ERC2: variants seen among roughly 807,000 people sequenced by gnomAD.
The protein encoded by ERC2 is ERC protein 2.
ERC2 carries 42 observed loss-of-function variants against 114.8 expected under a neutral mutation model. The observed-to-expected ratio is 0.37, with a 90% CI of 0.29 to 0.47. The LOEUF is 0.47. Ranked by LOEUF, ERC2 falls within the 20% of genes least tolerant of loss-of-function variation. ERC2 has a pLI of 0.99. For missense variants in ERC2, 939 were observed against 1,150.7 expected (o/e 0.82, Z 2.66); for synonymous variants, 454 against 425.5 (o/e 1.07, Z -0.82).
chr3:56,073,403 A>T (rs1382078910), intron 7 of ERC2, among the ~76,000 whole-genome samples: 1 of 152,196 alleles, frequency 6.6e-6, no homozygotes, highest in Non-Finnish European at 1.5e-5. Flanking sequence ...TGAGATGCTT[A>T]GAGCATCCTC....
At chr3:56,388,606 T>C (rs2060018942) in intron 2 of ERC2, among the ~76,000 whole-genome samples, 1 of 152,220 alleles carries the variant, frequency 6.6e-6, no homozygotes, top group Non-Finnish European at 1.5e-5. Flanking sequence ...CTCATGAGGC[T>C]TGAAGTCTAG....
At chr3:56,071,772 T>C (rs2076751308) in intron 7 of ERC2, among the ~76,000 whole-genome samples, 1 of 152,160 alleles carries the variant, frequency 6.6e-6, no homozygotes, top group African/African-American at 2.4e-5. Flanking sequence ...AAGCAATGTA[T>C]ACAAAGGAGG....
chr3:56,367,087 C>T (rs558729908), intron 2 of ERC2, among the ~76,000 whole-genome samples: 1 of 152,184 alleles, frequency 6.6e-6, no homozygotes. Context: ...CAGAAAAAAA[C>T]TCTTGCTTCT....
At chr3:56,361,182 A>G (rs1482475058) in intron 2 of ERC2, among the ~76,000 whole-genome samples, 1 of 152,104 alleles carries the variant, frequency 6.6e-6, no homozygotes, top group Non-Finnish European at 1.5e-5. Context: ...AGGCAAAAAG[A>G]GGTGGGTGAG....
At chr3:55,908,978 T>C (rs1054542401) in intron 13 of ERC2, among the ~76,000 whole-genome samples, 2 of 152,196 alleles carry the variant, frequency 1.3e-5, no homozygotes, top group Non-Finnish European at 2.9e-5. Context: ...CTTCATTGAA[T>C]ACCCATTTTG....
At chr3:55,907,475 C>T (rs914561044) in intron 13 of ERC2, among the ~76,000 whole-genome samples, 2 of 152,190 alleles carry the variant, frequency 1.3e-5, no homozygotes, top group East Asian at 3.9e-4. Context: ...GCTGTAATGA[C>T]CCATATTAGC....
intron 7 of ERC2, among the ~76,000 whole-genome samples, chr3:56,039,998 TAGATTAA>T (rs1414705068): frequency 6.6e-6 from 1 of 152,002 alleles, no homozygotes; most frequent in African/African-American, 2.4e-5. Flanking sequence ...CCAACTAAAA[TAGATTAA>T]AGACTTAAAT....
At position 55,943,089 on chromosome 3, in the gene ERC2, C is replaced by A. The variant is rs2066907491; in HGVS notation, c.2403+7336G>T. Among the ~76,000 whole-genome samples the A allele has an allele frequency of 3.9e-5, 6 of 152,134 alleles. No homozygotes were observed. In the South Asian group the frequency reaches 1.2e-3, roughly 32 times the overall value. On this transcript the variant is annotated intron_variant, in intron 13 of 17. Coordinates refer to ENST00000288221, the MANE Select transcript of ERC2 (RefSeq NM_015576.3). The stretch of plus-strand genomic sequence containing the variant: ...TCTGGTAGCGATAACTCAGGGTAAA[C>A]CTGAGGTAATTATCCTGGCCAGGGA...
chr3:55,558,058 A>T (rs925106696), intron 17 of ERC2, among the ~76,000 whole-genome samples: 1 of 152,234 alleles, frequency 6.6e-6, no homozygotes, highest in Admixed American at 6.5e-5. Flanking sequence ...GAGAGGCTTG[A>T]TAATGGCAAT....
intron 14 of ERC2, among the ~76,000 whole-genome samples, chr3:55,759,341 C>G (rs2067260222): frequency 6.6e-6 from 1 of 151,906 alleles, no homozygotes; most frequent in Non-Finnish European, 1.5e-5. Flanking sequence ...CTCCACAGTT[C>G]ACTTAAATCA....
At position 56,322,021 on chromosome 3, in the gene ERC2, G is replaced by A. The variant is rs140493036; in HGVS notation, c.658-25586C>T. Among the ~76,000 whole-genome samples, 78 of 152,290 alleles carry A rather than the reference G, an allele frequency of 5.1e-4. 1 individual carries two copies. The East Asian group carries it at 0.013, about 26-fold the overall frequency. ...GAAAGCAAAAGGACTAATTCAGAGC[G>A]CAGGCCTGGAATCACACAAGCATGG... is the stretch of plus-strand genomic sequence containing the variant. On this transcript the variant is annotated intron_variant, in intron 2 of 17. Transcript: ENST00000288221.
chr3:56,154,579 T>C (rs990958027), intron 4 of ERC2, among the ~76,000 whole-genome samples: 2 of 152,192 alleles, frequency 1.3e-5, no homozygotes, highest in Non-Finnish European at 2.9e-5. Context: ...TGACACTGTG[T>C]GATCTTTGAA....
chr3:55,947,407 C>T (rs985818598), intron 13 of ERC2, among the ~76,000 whole-genome samples: 1 of 152,220 alleles, frequency 6.6e-6, no homozygotes, highest in African/African-American at 2.4e-5. Flanking sequence ...CACCTCTCCT[C>T]GTATCTACTC....
At chr3:55,915,015 A>T (rs1226173101) in intron 13 of ERC2, among the ~76,000 whole-genome samples, 1 of 152,202 alleles carries the variant, frequency 6.6e-6, no homozygotes, top group Admixed American at 6.5e-5. Flanking sequence ...AGTCTTTTAT[A>T]AAATCTATGC....
intron 7 of ERC2, among the ~76,000 whole-genome samples, chr3:56,076,503 AC>A: frequency 6.6e-6 from 1 of 152,312 alleles, no homozygotes; most frequent in East Asian, 1.9e-4. Context: ...AGGTATGGGA[AC>A]AGAAAACTAT....
intron 17 of ERC2, among the ~76,000 whole-genome samples, chr3:55,566,964 G>A (rs2056416105): frequency 6.6e-6 from 1 of 152,236 alleles, no homozygotes; most frequent in Non-Finnish European, 1.5e-5. Flanking sequence ...GCCTCCCAAA[G>A]TGTTGGGATT....
chr3:56,336,162 A>G (rs6791227), intron 2 of ERC2, among the ~76,000 whole-genome samples: 37,318 of 152,022 alleles, frequency 0.25, 4,940 homozygotes, highest in Non-Finnish European at 0.29. Context: ...GTGAACCTGG[A>G]TTTGAATACC....
At chr3:55,672,338 CA>C (rs546940629) in intron 17 of ERC2, among the ~76,000 whole-genome samples, 2,553 of 100,272 alleles carry the variant, frequency 0.025, 40 homozygotes, top group African/African-American at 0.076. Flanking sequence ...GACCCTATCT[CA>C]AAAAAAAAAA....
At chr3:55,566,983 A>T (rs115232630) in intron 17 of ERC2, among the ~76,000 whole-genome samples, 3,862 of 152,316 alleles carry the variant, frequency 0.025, 164 homozygotes, top group African/African-American at 0.087. Context: ...TTACAGGCAT[A>T]AGCCACTGTG....
Sources: allele counts gnomAD v4.1 joint callset (sites outside exome capture counted in the v4.1 genomes callset), GRCh38; gene constraint gnomAD v4.1.1; transcripts MANE v1.5; gene names NCBI Gene and HGNC (gene_info 2026-07-23, HGNC 2026-07-21).